CDH13: variants seen among roughly 807,000 people sequenced by gnomAD.
CDH13 encodes the protein cadherin 13.
CDH13 carries 24 observed loss-of-function variants against 63.8 expected under a neutral mutation model. The ratio of observed to expected loss-of-function variants is 0.38; its 90% CI spans 0.27 to 0.53. The LOEUF (loss-of-function observed/expected upper bound fraction) is 0.53. CDH13 is among the 20% of genes least tolerant of loss of function. The probability of loss-of-function intolerance (pLI) is 0.85; values close to 1 mark genes in which losing one functional copy is unlikely to be tolerated. For synonymous variants in CDH13, 503 were observed against 355.3 expected (o/e 1.42, Z -4.67); for missense variants, 1,049 against 903.1 (o/e 1.16, Z -2.07).
chr16:83,437,348 G>A (rs556416716), intron 6 of CDH13, among the ~76,000 whole-genome samples: 4 of 152,198 alleles, frequency 2.6e-5, no homozygotes, highest in South Asian at 2.1e-4. Flanking sequence ...AACAGGGAAC[G>A]TACTCAGCTT....
intron 1 of CDH13, among the ~76,000 whole-genome samples, chr16:82,685,114 A>T (rs1478768425): frequency 6.6e-6 from 1 of 152,176 alleles, no homozygotes; most frequent in Non-Finnish European, 1.5e-5. Context: ...GAAATGATCC[A>T]ATGAGGGGAA....
chr16:82,800,976 G>A (rs1597629228), intron 1 of CDH13, among the ~76,000 whole-genome samples: 1 of 152,164 alleles, frequency 6.6e-6, no homozygotes, highest in Non-Finnish European at 1.5e-5. Context: ...AAAGGGAATA[G>A]GAGTTCTTGA....
intron 13 of CDH13, among the ~76,000 whole-genome samples, chr16:83,791,780 C>T (rs1916282601): frequency 6.9e-6 from 1 of 145,450 alleles, no homozygotes; most frequent in Admixed American, 7.0e-5. Flanking sequence ...CATTGCACTC[C>T]AGCCTGGGCA....
chr16:83,164,415 T>C lies in CDH13; in HGVS notation c.483+38914T>C, dbSNP rs1020290882. On this transcript the variant is annotated intron_variant, in intron 4 of 13. Transcript: ENST00000567109. ...GTCCCTCTGACTCTTGAAGGAAGCA[T>C]CATTTATTGAAAAACTAGAGTGTCT... Among the ~76,000 whole-genome samples the C allele has an allele frequency of 1.1e-4, 17 of 152,136 alleles. 1 individual carries two copies. In the East Asian group the frequency reaches 1.5e-3, roughly 14 times the overall value.
At chr16:83,747,433 C>T (rs992092177) in intron 10 of CDH13, among the ~76,000 whole-genome samples, 4 of 152,166 alleles carry the variant, frequency 2.6e-5, no homozygotes, top group Non-Finnish European at 5.9e-5. Context: ...TCACCTTCCG[C>T]CATGATTGCG....
intron 10 of CDH13, among the ~76,000 whole-genome samples, chr16:83,707,836 C>CAAAAAAAAAAAATAAAA (rs1907342496): frequency 1.3e-5 from 1 of 78,902 alleles, no homozygotes; most frequent in Non-Finnish European, 2.3e-5. Context: ...ACCCTAAAGG[C>CAAAAAAAAAAAATAAAA]AAAAAAAAAA....
intron 2 of CDH13, among the ~76,000 whole-genome samples, chr16:82,969,943 T>C (rs1480744505): frequency 6.6e-6 from 1 of 152,104 alleles, no homozygotes; most frequent in East Asian, 1.9e-4. Context: ...ATTTCTCTTT[T>C]TTTTTTTATT....
intron 7 of CDH13, among the ~76,000 whole-genome samples, chr16:83,566,808 C>A (rs1904284954): frequency 6.6e-6 from 1 of 152,138 alleles, no homozygotes; most frequent in Non-Finnish European, 1.5e-5. Context: ...CTTCCAGAGG[C>A]AGAATCCCAG....
At chr16:83,602,253 C>T (rs1045865531) in intron 7 of CDH13, among the ~76,000 whole-genome samples, 1 of 151,308 alleles carries the variant, frequency 6.6e-6, no homozygotes, top group African/African-American at 2.4e-5. Context: ...AAACTCCAGT[C>T]TTTGAATAGT....
At chr16:83,272,903 T>C (rs967228525) in intron 5 of CDH13, among the ~76,000 whole-genome samples, 2 of 152,172 alleles carry the variant, frequency 1.3e-5, no homozygotes, top group East Asian at 3.9e-4. Flanking sequence ...GAGCTAATGA[T>C]GAGTTTGCTG....
In CDH13 at chr16:82,892,201, C is replaced by G. The variant is rs554431635; in HGVS notation, c.157+33728C>G. On this transcript the variant is annotated intron_variant, in intron 2 of 13. Transcript: ENST00000567109. ...TGGTATCATTTCCTCCTAATGCTGA[C>G]TTGAGGATTAAATGAGTTAACACAC... is the stretch of plus-strand genomic sequence containing the variant. 1.1e-4 allele frequency among the ~76,000 whole-genome samples: 16 copies of G among 152,246 alleles called. No homozygotes were observed. In the South Asian group the frequency reaches 3.1e-3, roughly 30 times the overall value.
intron 3 of CDH13, among the ~76,000 whole-genome samples, chr16:83,061,501 A>G (rs986120894): frequency 1.8e-4 from 28 of 152,172 alleles, no homozygotes; most frequent in Non-Finnish European, 4.4e-5. Context: ...TGAGTGAGCA[A>G]TGCCTTTCCC....
chr16:83,419,927 T>TC (rs200096985), intron 6 of CDH13, among the ~76,000 whole-genome samples: 2 of 147,948 alleles, frequency 1.4e-5, no homozygotes, highest in Non-Finnish European at 3.0e-5. Context: ...TTTTTTTTTT[T>TC]AAAAAAAAGT....
At chr16:83,000,822 G>T (rs928175217) in intron 2 of CDH13, among the ~76,000 whole-genome samples, 1 of 152,082 alleles carries the variant, frequency 6.6e-6, no homozygotes, top group Admixed American at 6.5e-5. Context: ...CGCATGATCC[G>T]CCCGCCTCGG....
intron 1 of CDH13, among the ~76,000 whole-genome samples, chr16:82,786,253 T>G (rs540048830): frequency 1.1e-4 from 16 of 152,102 alleles, no homozygotes; most frequent in Non-Finnish European, 2.1e-4. Flanking sequence ...AATTTAGAAG[T>G]CATATCTTAC....
At chr16:82,814,939 A>G (rs192292270) in intron 1 of CDH13, among the ~76,000 whole-genome samples, 240 of 152,234 alleles carry the variant, frequency 1.6e-3, no homozygotes, top group African/African-American at 5.4e-3. Flanking sequence ...GGCTTGATGT[A>G]TTGGGGAAAA....
At chr16:83,429,484 A>T (rs1248497002) in intron 6 of CDH13, among the ~76,000 whole-genome samples, 4 of 151,702 alleles carry the variant, frequency 2.6e-5, no homozygotes, top group Admixed American at 2.0e-4. Context: ...TTGCATGACC[A>T]TTACATATAC....
intron 10 of CDH13, among the ~76,000 whole-genome samples, chr16:83,691,747 G>A (rs895203268): frequency 5.9e-5 from 9 of 152,092 alleles, no homozygotes; most frequent in African/African-American, 2.2e-4. Context: ...GGGCCATCCT[G>A]CCTCCTTCCA....
intron 2 of CDH13, among the ~76,000 whole-genome samples, chr16:82,927,620 CA>C (rs773114443): frequency 3.3e-5 from 5 of 152,192 alleles, no homozygotes; most frequent in African/African-American, 4.8e-5. Context: ...AACTGTTCCT[CA>C]AGAACTCTTC....
Sources: allele counts gnomAD v4.1 joint callset (sites outside exome capture counted in the v4.1 genomes callset), GRCh38; gene constraint gnomAD v4.1.1; transcripts MANE v1.5; gene names NCBI Gene and HGNC (gene_info 2026-07-23, HGNC 2026-07-21).